Variants in CNTN4 observed in about 807,000 individuals in gnomAD.
CNTN4 encodes contactin-4.
CNTN4 carries 77 observed loss-of-function variants against 122.5 expected under a neutral mutation model. The ratio of observed to expected loss-of-function variants is 0.63; its 90% CI spans 0.52 to 0.76. The LOEUF (loss-of-function observed/expected upper bound fraction) is 0.76, where lower values mean the gene tolerates loss of function less well. Among genes scored for constraint, CNTN4 ranks in the 30% least tolerant of loss-of-function variants. The pLI, the probability that CNTN4 is intolerant of heterozygous loss-of-function variation, is 0.00. For synonymous variants in CNTN4, 512 were observed against 447.0 expected (o/e 1.15, Z -1.83); for missense variants, 1,256 against 1,259.1 (o/e 1.00, Z 0.04).
rs151072223 is a variant in CNTN4 at position 2,495,652 on chromosome 3, C to A, written c.-88-75764C>A. 3.9e-3 allele frequency among the ~76,000 whole-genome samples: 593 copies of A among 152,206 alleles called. 5 individuals carry two copies. Among genetic ancestry groups the A allele is most frequent in the Middle Eastern group, 0.017 (5 of 294 alleles). ...ATTAGATTCTCATGGGAGTGCGAACCCTATTGTGAACTGCATACGAGGGAT... is the reference window on the plus strand; with the variant it reads ...ATTAGATTCTCATGGGAGTGCGAACACTATTGTGAACTGCATACGAGGGAT... On this transcript the variant is annotated intron_variant, in intron 3 of 24. Transcript: ENST00000418658.
At chr3:2,785,518 C>G (rs1334857934) in intron 6 of CNTN4, among the ~76,000 whole-genome samples, 1 of 152,146 alleles carries the variant, frequency 6.6e-6, no homozygotes, top group African/African-American at 2.4e-5. Context: ...TACAACACAT[C>G]CAGAAATAAT....
intron 5 of CNTN4, among the ~76,000 whole-genome samples, chr3:2,743,833 C>G (rs2089601728): frequency 6.6e-6 from 1 of 152,136 alleles, no homozygotes; most frequent in Non-Finnish European, 1.5e-5. Context: ...GAGATGAGGT[C>G]TCGCTCTGTT....
At chr3:2,975,635 G>A (rs186355208) in intron 13 of CNTN4, among the ~76,000 whole-genome samples, 37 of 151,982 alleles carry the variant, frequency 2.4e-4, no homozygotes, top group African/African-American at 7.5e-4. Flanking sequence ...TTCTGTCCAC[G>A]TCTTCTTTAT....
chr3:2,215,738 C>T (rs2038808400), intron 2 of CNTN4, among the ~76,000 whole-genome samples: 1 of 151,556 alleles, frequency 6.6e-6, no homozygotes, highest in Non-Finnish European at 1.5e-5. Context: ...AAAAATTAGC[C>T]CAGGCGTGGT....
intron 2 of CNTN4, among the ~76,000 whole-genome samples, chr3:2,142,525 G>A (rs1030398463): frequency 6.6e-6 from 1 of 152,032 alleles, no homozygotes; most frequent in Non-Finnish European, 1.5e-5. Context: ...CATCATGCCT[G>A]GCTAATTTTG....
At chr3:2,808,626 C>T (rs2092528235) in intron 6 of CNTN4, among the ~76,000 whole-genome samples, 1 of 152,096 alleles carries the variant, frequency 6.6e-6, no homozygotes, top group African/African-American at 2.4e-5. Context: ...GGAGTTGTTT[C>T]ATGTTTTCAT....
chr3:2,978,117 C>T (rs1439964199), intron 13 of CNTN4, among the ~76,000 whole-genome samples: 1 of 152,196 alleles, frequency 6.6e-6, no homozygotes, highest in Non-Finnish European at 1.5e-5. Flanking sequence ...TCCACCACTG[C>T]CAGAGTATAG....
chr3:2,282,596 G>C (rs550815322), intron 2 of CNTN4, among the ~76,000 whole-genome samples: 23 of 152,190 alleles, frequency 1.5e-4, no homozygotes, highest in Middle Eastern at 3.4e-3. Flanking sequence ...CTATTCCACT[G>C]TCTTTTGAAA....
At chr3:2,628,219 G>T (rs1284873934) in intron 4 of CNTN4, among the ~76,000 whole-genome samples, 1 of 152,154 alleles carries the variant, frequency 6.6e-6, no homozygotes, top group Admixed American at 6.5e-5. Context: ...CCTTTTAGCA[G>T]AAGTTATTTT....
chr3:2,198,028 G>GAAAAAAAAAAAAA (rs5846169), intron 2 of CNTN4, among the ~76,000 whole-genome samples: 9 of 138,078 alleles, frequency 6.5e-5, no homozygotes, highest in African/African-American at 2.5e-4. Flanking sequence ...ACTCTCTCTG[G>GAAAAAAAAAAAAA]AAAAAAAAAA....
intron 3 of CNTN4, among the ~76,000 whole-genome samples, chr3:2,432,642 A>G (rs759410133): frequency 1.3e-5 from 2 of 151,556 alleles, no homozygotes; most frequent in African/African-American, 2.4e-5. Flanking sequence ...GTGTGTATGT[A>G]TGTGTATATA....
chr3:2,878,553 C>CTCTGTGTGTGTGTGTGTG (rs930160038), intron 8 of CNTN4, among the ~76,000 whole-genome samples: 25 of 146,844 alleles, frequency 1.7e-4, no homozygotes, highest in Non-Finnish European at 3.0e-4. Flanking sequence ...GAGATGCTCT[C>CTCTGTGTGTGTGTGTGTG]TGTGTGTGTG....
chr3:2,726,415 T>C (rs1381959930), intron 4 of CNTN4, among the ~76,000 whole-genome samples: 1 of 152,208 alleles, frequency 6.6e-6, no homozygotes, highest in Non-Finnish European at 1.5e-5. Flanking sequence ...GATTTTAGTC[T>C]ATCCAAACCA....
intron 13 of CNTN4, among the ~76,000 whole-genome samples, chr3:2,945,983 G>C (rs1215768920): frequency 6.6e-6 from 1 of 152,224 alleles, no homozygotes; most frequent in Non-Finnish European, 1.5e-5. Flanking sequence ...TATTAGGTAA[G>C]AGTAGGGTCC....
intron 4 of CNTN4, among the ~76,000 whole-genome samples, chr3:2,583,490 T>C (rs1453194171): frequency 6.6e-6 from 1 of 152,250 alleles, no homozygotes; most frequent in Non-Finnish European, 1.5e-5. Flanking sequence ...CATTATAACA[T>C]GTCTAAGCTC....
chr3:2,245,474 T>G (rs1196626644), intron 2 of CNTN4, among the ~76,000 whole-genome samples: 1 of 152,042 alleles, frequency 6.6e-6, no homozygotes, highest in Non-Finnish European at 1.5e-5. Context: ...GCAATGACAG[T>G]GTGTACACTG....
chr3:2,128,518 T>G (rs1291038382), intron 2 of CNTN4, among the ~76,000 whole-genome samples: 1 of 152,150 alleles, frequency 6.6e-6, no homozygotes, highest in Non-Finnish European at 1.5e-5. Context: ...GGAAACCTGG[T>G]CAATTTTAAT....
intron 3 of CNTN4, among the ~76,000 whole-genome samples, chr3:2,561,078 G>A (rs1227930463): frequency 6.6e-6 from 1 of 152,268 alleles, no homozygotes; most frequent in African/African-American, 2.4e-5. Context: ...TCCCCACTAA[G>A]TGTATCCAAG....
At chr3:2,903,761 TTCTA>T (rs1445992885) in intron 12 of CNTN4, among the ~76,000 whole-genome samples, 3 of 152,210 alleles carry the variant, frequency 2.0e-5, no homozygotes, top group Non-Finnish European at 4.4e-5. Flanking sequence ...TTTGTGATCT[TTCTA>T]TCTTTTTCTT....
Sources: gnomAD v4.1 joint callset for allele counts (sites outside exome capture counted in the v4.1 genomes callset) on GRCh38, gnomAD v4.1.1 for gene constraint, MANE v1.5 for transcripts, NCBI Gene and HGNC (gene_info 2026-07-23, HGNC 2026-07-21) for gene names.